The following TNR variants were observed in gnomAD, a reference collection of about 807,000 sequenced individuals.
TNR encodes tenascin R.
Under a neutral mutation model 150.4 loss-of-function variants are expected in TNR, and 45 were observed. The observed-to-expected ratio is 0.30, with a 90% CI of 0.24 to 0.38. The LOEUF (loss-of-function observed/expected upper bound fraction) is 0.38. TNR is among the 10% of genes least tolerant of loss of function. TNR has a pLI of 1.00. For missense variants in TNR, 1,544 were observed against 1,759.1 expected, an observed-to-expected ratio of 0.88 and a Z score of 2.19; for synonymous variants, 687 against 678.4, an observed-to-expected ratio of 1.01 and a Z score of -0.20.
At chr1:175,541,015 A>G (rs187909006) in intron 1 of TNR, among the ~76,000 whole-genome samples, 14 of 151,840 alleles carry the variant, frequency 9.2e-5, no homozygotes, top group Admixed American at 8.5e-4. Context: ...CTGCATACAT[A>G]TTCCCTATCC....
intron 1 of TNR, among the ~76,000 whole-genome samples, chr1:175,651,249 AC>A (rs1323255917): frequency 6.8e-6 from 1 of 147,442 alleles, no homozygotes; most frequent in East Asian, 2.0e-4. Context: ...CATTACACTC[AC>A]AGAGACAAGG....
At chr1:175,649,230 T>C (rs991554633) in intron 1 of TNR, among the ~76,000 whole-genome samples, 6 of 152,178 alleles carry the variant, frequency 3.9e-5, no homozygotes, top group African/African-American at 1.4e-4. Flanking sequence ...TCAGGGCTAT[T>C]GATCTGCTGT....
intron 1 of TNR, among the ~76,000 whole-genome samples, chr1:175,687,399 A>C (rs1256799157): frequency 6.6e-6 from 1 of 152,006 alleles, no homozygotes; most frequent in Non-Finnish European, 1.5e-5. Flanking sequence ...CTTCTTACAA[A>C]GGCTTATTTT....
intron 9 of TNR, among the ~76,000 whole-genome samples, chr1:175,375,479 G>C (rs1042991691): frequency 2.1e-4 from 32 of 151,168 alleles, no homozygotes; most frequent in African/African-American, 7.2e-4. Context: ...AGAATAATGG[G>C]GGGGGAGTGT....
intron 1 of TNR, among the ~76,000 whole-genome samples, chr1:175,651,293 G>A (rs1010108313): frequency 6.6e-6 from 1 of 150,628 alleles, no homozygotes; most frequent in Admixed American, 6.7e-5. Context: ...ACACAGCTAT[G>A]GGAAGAGAGC....
chr1:175,331,353 T>C (rs1470561293), intron 20 of TNR, among the ~76,000 whole-genome samples: 1 of 144,256 alleles, frequency 6.9e-6, no homozygotes, highest in African/African-American at 2.6e-5. Flanking sequence ...AAGCTCCACC[T>C]CCCAGGTTCA....
intron 1 of TNR, among the ~76,000 whole-genome samples, chr1:175,584,963 G>A (rs1662508422): frequency 6.6e-6 from 1 of 152,208 alleles, no homozygotes; most frequent in Admixed American, 6.5e-5. Flanking sequence ...CACAGAAGCA[G>A]TCTGGACAGG....
In TNR at chr1:175,486,621, T is replaced by A. The variant is rs970696809; in HGVS notation, c.-64+41648A>T. Reference sequence around the variant, plus strand: ...GTCTTTATAGTAGAATGATTTATAATCCTTTGGGTATATACCCAGTAATGG... The same window carrying A: ...GTCTTTATAGTAGAATGATTTATAAACCTTTGGGTATATACCCAGTAATGG... On this transcript the variant is annotated intron_variant, in intron 2 of 22. Transcript: ENST00000367674. Among the ~76,000 whole-genome samples the A allele has an allele frequency of 8.5e-5, 13 of 152,352 alleles. No individual in the cohort carries two copies. In the East Asian group the frequency reaches 2.5e-3, roughly 29 times the overall value.
At chr1:175,665,069 G>A (rs761702042) in intron 1 of TNR, among the ~76,000 whole-genome samples, 4 of 152,224 alleles carry the variant, frequency 2.6e-5, no homozygotes. Context: ...GAGCAGTAAT[G>A]CTGACAGCTT....
chr1:175,499,949 G>C (rs1261329740), intron 2 of TNR, among the ~76,000 whole-genome samples: 1 of 152,182 alleles, frequency 6.6e-6, no homozygotes, highest in Non-Finnish European at 1.5e-5. Context: ...GAAAATGAAA[G>C]TACCCCAGAA....
At chr1:175,327,805 C>A (rs920857484) in intron 21 of TNR, among the ~76,000 whole-genome samples, 57 of 152,144 alleles carry the variant, frequency 3.7e-4, no homozygotes, top group African/African-American at 1.3e-3. Flanking sequence ...TCCACAAACA[C>A]CCCTTAAACT....
chr1:175,602,686 A>T (rs934525917), intron 1 of TNR, among the ~76,000 whole-genome samples: 2 of 152,336 alleles, frequency 1.3e-5, no homozygotes, highest in East Asian at 3.9e-4. Context: ...CACATCTCTC[A>T]ATGTCCTTTT....
At chr1:175,463,592 TAAG>T (rs1488916053) in intron 2 of TNR, among the ~76,000 whole-genome samples, 1 of 152,208 alleles carries the variant, frequency 6.6e-6, no homozygotes, top group East Asian at 1.9e-4. Context: ...GGAAGTGAAG[TAAG>T]AAGGAGTTTC....
At chr1:175,715,481 C>T (rs1667131399) in intron 1 of TNR, among the ~76,000 whole-genome samples, 1 of 152,106 alleles carries the variant, frequency 6.6e-6, no homozygotes, top group Non-Finnish European at 1.5e-5. Context: ...GCCTGACCAG[C>T]TATGTGCACA....
intron 1 of TNR, among the ~76,000 whole-genome samples, chr1:175,656,961 C>A (rs2101893831): frequency 6.6e-6 from 1 of 151,986 alleles, no homozygotes; most frequent in Admixed American, 6.6e-5. Context: ...ACATTGAGTG[C>A]AACAGTGAGA....
chr1:175,492,055 T>G (rs899264458), intron 2 of TNR, among the ~76,000 whole-genome samples: 8 of 152,166 alleles, frequency 5.3e-5, no homozygotes, highest in African/African-American at 1.9e-4. Flanking sequence ...TTGATGGCAA[T>G]CAGACAAGGG....
chr1:175,587,000 T>C (rs1235914705), intron 1 of TNR, among the ~76,000 whole-genome samples: 3 of 152,238 alleles, frequency 2.0e-5, no homozygotes, highest in East Asian at 1.9e-4. Flanking sequence ...TAATTTTATA[T>C]ATGGCTCTTT....
chr1:175,493,632 G>A (rs1002440640), intron 2 of TNR, among the ~76,000 whole-genome samples: 1 of 152,194 alleles, frequency 6.6e-6, no homozygotes. Context: ...AAGGTGCTCC[G>A]CACTAAGCTT....
At chr1:175,590,197 T>C (rs1662744270) in intron 1 of TNR, among the ~76,000 whole-genome samples, 1 of 152,284 alleles carries the variant, frequency 6.6e-6, no homozygotes, top group East Asian at 1.9e-4. Context: ...GAGGTAAGTA[T>C]GGGAGATGAT....
Sources: gnomAD v4.1 joint callset for allele counts (sites outside exome capture counted in the v4.1 genomes callset) on GRCh38, gnomAD v4.1.1 for gene constraint, MANE v1.5 for transcripts, NCBI Gene and HGNC (gene_info 2026-07-23, HGNC 2026-07-21) for gene names.